LRIG1: variants seen among roughly 807,000 people sequenced by gnomAD.
LRIG1 encodes leucine rich repeats and immunoglobulin like domains 1.
LRIG1 carries 48 observed loss-of-function variants against 99.2 expected under a neutral mutation model. That is an observed-to-expected ratio of 0.48 (90% CI 0.38 to 0.62). The LOEUF (loss-of-function observed/expected upper bound fraction) is 0.62. Ranked by LOEUF, LRIG1 falls within the 20% of genes least tolerant of loss-of-function variation. The pLI is 0.00. For missense variants in LRIG1, 1,646 were observed against 1,434.4 expected (o/e 1.15, Z -2.38); for synonymous variants, 772 against 596.1 (o/e 1.29, Z -4.30).
intron 12 of LRIG1, among the ~76,000 whole-genome samples, chr3:66,389,165 A>T (rs1327851656): frequency 6.6e-6 from 1 of 152,254 alleles, no homozygotes; most frequent in African/African-American, 2.4e-5. Context: ...TATTTGAACT[A>T]GATTGTTGTA....
chr3:66,398,864 T>A, intron 10 of LRIG1, 106 bp downstream of exon 10: 1 of 900,176 alleles, frequency 1.1e-6, no homozygotes, highest in Non-Finnish European at 1.8e-6. Context: ...TGTTTCCAAA[T>A]AGCCTGTTTC....
intron 3 of LRIG1, among the ~76,000 whole-genome samples, chr3:66,418,196 A>G (rs952343965): frequency 6.6e-6 from 1 of 152,026 alleles, no homozygotes; most frequent in Non-Finnish European, 1.5e-5. Flanking sequence ...GGTTCAAGCG[A>G]TTCTTCTGCC....
rs1318018114 is a variant in LRIG1 at position 66,384,226 on chromosome 3, G to A, written c.1836C>T (p.Thr612=). The A allele has an allele frequency of 3.1e-6, 5 of 1,613,866 alleles. No homozygotes were observed. The highest frequency in any genetic ancestry group is 3.4e-6 in the Non-Finnish European group (4 of 1,179,886). Residue 612 remains threonine, a synonymous_variant, in exon 14 of 19, where the codon ACC becomes ACT. Transcript: ENST00000273261. ...TKTPHDITIR[T]TTMARLECAA... ...CACATTCGAGGCGGGCCATGGTGGT[G>A]GTCCGGATGGTTATGTCGTGGGGCG...
chr3:66,476,910 C>T (rs1179918703), intron 1 of LRIG1, among the ~76,000 whole-genome samples: 3 of 152,160 alleles, frequency 2.0e-5, no homozygotes, highest in African/African-American at 7.2e-5. Context: ...AAAACACTTC[C>T]GTTCCCTTCA....
intron 2 of LRIG1, among the ~76,000 whole-genome samples, chr3:66,460,730 C>T (rs1700336872): frequency 6.6e-6 from 1 of 152,178 alleles, no homozygotes; most frequent in Non-Finnish European, 1.5e-5. Context: ...TGGCAGCAGC[C>T]TTAGCAAACT....
intron 7 of LRIG1, 145 bp from the exon 8 acceptor site, chr3:66,407,636 C>A: frequency 1.2e-6 from 1 of 827,772 alleles, no homozygotes; most frequent in East Asian, 2.7e-5. Context: ...CACACACACC[C>A]ACACCCACAG....
chr3:66,459,437 A>C (rs1700307036), intron 2 of LRIG1, among the ~76,000 whole-genome samples: 1 of 152,248 alleles, frequency 6.6e-6, no homozygotes, highest in Admixed American at 6.5e-5. Flanking sequence ...TCCATCGTGC[A>C]TGCCAGGCAC....
At position 66,500,512 on chromosome 3, in the gene LRIG1, G is replaced by T; in HGVS notation, c.-105C>A. On this transcript the variant is annotated 5_prime_UTR_variant, in exon 1 of 19. It introduces an in-frame stop codon into an upstream open reading frame of the 5' UTR. Transcript: ENST00000273261. The stretch of plus-strand genomic sequence containing the variant: ...GGCGCTCCGCTCGGCTCTAGACTCC[G>T]CACCGGGGCATGGCCCCCGCCCCAA... The T allele has an allele frequency of 3.7e-6, 2 of 547,314 alleles. No homozygotes were observed. Among genetic ancestry groups the T allele is most frequent in the East Asian group, 3.7e-5 (1 of 27,132 alleles). The allele number at this position is 547,314 out of a possible 1,614,324, so 33.9% of individuals were successfully genotyped here.
chr3:66,387,158 G>C (rs527564920), intron 12 of LRIG1: 17 of 151,192 alleles, frequency 1.1e-4, no homozygotes, highest in African/African-American at 4.1e-4. Context: ...GCAGCTGTCT[G>C]AGGGGACAAT....
intron 2 of LRIG1, among the ~76,000 whole-genome samples, chr3:66,461,126 C>A (rs1700345171): frequency 6.6e-6 from 1 of 152,130 alleles, no homozygotes; most frequent in Non-Finnish European, 1.5e-5. Flanking sequence ...GCCTGACCAA[C>A]ATGGCGGAAC....
chr3:66,386,102 C>T lies in LRIG1; in HGVS notation c.1668G>A (p.Met556Ile), dbSNP rs748105044. Residue 556 changes from methionine (M) to isoleucine (I), a missense_variant, in exon 13 of 19, where the codon ATG becomes ATA. Coordinates refer to ENST00000273261, the MANE Select transcript of LRIG1 (RefSeq NM_015541.3). ...VHVHAQDGEV[M>I]EYTTILHLRQ... ...GGAGGTGCAGGATGGTGGTGTACTC[C>T]ATCACTTCCCCGTCCTGCGCGTGGA... 1.4e-5 allele frequency: 23 copies of T among 1,614,042 alleles called. No individual in the cohort carries two copies. The highest frequency in any genetic ancestry group is 1.7e-5 in the Non-Finnish European group (20 of 1,180,042).
At chr3:66,493,517 G>C (rs1701151751) in intron 1 of LRIG1, among the ~76,000 whole-genome samples, 1 of 152,200 alleles carries the variant, frequency 6.6e-6, no homozygotes, top group African/African-American at 2.4e-5. Flanking sequence ...ATCCATGGGA[G>C]AAGGCCGCTT....
chr3:66,410,306 G>C (rs1165543493), intron 6 of LRIG1, 34 bp from the exon 7 acceptor site: 1 of 1,568,660 alleles, frequency 6.4e-7, no homozygotes, highest in Non-Finnish European at 8.6e-7. Context: ...ATGAAGAGGA[G>C]CTTTCACTCC....
At chr3:66,462,643 C>T (rs1208684002) in intron 1 of LRIG1, 134 bp from the exon 2 acceptor site, 19 of 657,350 alleles carry the variant, frequency 2.9e-5, no homozygotes, top group East Asian at 2.2e-4. Flanking sequence ...ATTAAGTAAC[C>T]GTATTGATAC....
At chr3:66,446,279 G>C (rs1703720522) in intron 3 of LRIG1, among the ~76,000 whole-genome samples, 1 of 152,070 alleles carries the variant, frequency 6.6e-6, no homozygotes, top group Non-Finnish European at 1.5e-5. Flanking sequence ...CCGGGGAAGG[G>C]GGAAGGTGAC....
intron 1 of LRIG1, chr3:66,498,274 A>G (rs574463226): frequency 6.6e-6 from 1 of 152,324 alleles, no homozygotes; most frequent in South Asian, 2.1e-4. Flanking sequence ...GTAAAAGAGA[A>G]GGACTTCAAT....
At chr3:66,395,150 A>G (rs1701796678) in intron 11 of LRIG1, among the ~76,000 whole-genome samples, 1 of 152,158 alleles carries the variant, frequency 6.6e-6, no homozygotes, top group South Asian at 2.1e-4. Flanking sequence ...CTGGCCCACG[A>G]TAAGGGAAGA....
rs185195965 is a variant in LRIG1, at chr3:66,380,234, G to C, written c.*29C>G. On this transcript the variant is annotated 3_prime_UTR_variant, in exon 19 of 19. Coordinates refer to ENST00000273261, the MANE Select transcript of LRIG1 (RefSeq NM_015541.3). Reference sequence around the variant, plus strand: ...CCTACCTCTCTTTCCCGTAGAGATTGGTATGACAAGAACTGAGGTAGACAA... The same window carrying C: ...CCTACCTCTCTTTCCCGTAGAGATTCGTATGACAAGAACTGAGGTAGACAA... 6.4e-7 allele frequency: 1 copy of C among 1,566,702 alleles called. No individual in the cohort carries two copies. Among genetic ancestry groups the C allele is most frequent in the African/African-American group, 1.4e-5 (1 of 73,720 alleles).
chr3:66,402,308 T>C (rs1248487570), intron 9 of LRIG1, among the ~76,000 whole-genome samples: 2 of 152,168 alleles, frequency 1.3e-5, no homozygotes, highest in Non-Finnish European at 2.9e-5. Context: ...AAACAGGCCC[T>C]GGAGTGGGTC....
Sources: allele counts gnomAD v4.1 joint callset (sites outside exome capture counted in the v4.1 genomes callset), GRCh38; gene constraint gnomAD v4.1.1; transcripts MANE v1.5; gene names NCBI Gene and HGNC (gene_info 2026-07-23, HGNC 2026-07-21).